Variants in NUDT17 observed in about 807,000 individuals in gnomAD.
NUDT17 encodes nudix hydrolase 17.
NUDT17 carries 38 observed loss-of-function variants against 38.6 expected under a neutral mutation model. That is an observed-to-expected ratio of 0.98 (90% confidence interval 0.76 to 1.29). The LOEUF (loss-of-function observed/expected upper bound fraction) is 1.29. NUDT17 is among the 50% of genes most tolerant of loss of function. The probability of loss-of-function intolerance (pLI) is 0.00; values close to 1 mark genes in which losing one functional copy is unlikely to be tolerated. For synonymous variants in NUDT17, 192 were observed against 167.8 expected (o/e 1.14, Z -1.11); for missense variants, 462 against 415.2 (o/e 1.11, Z -0.98).
At position 145,847,660 on chromosome 1, in the gene NUDT17, C is replaced by T. The variant is rs143179450; in HGVS notation, c.672C>T (p.Ala224=). The change falls in exon 6 of 8, where the codon GCC becomes GCT. Residue 224 remains alanine, a synonymous_variant. Coordinates refer to ENST00000334513, the MANE Select transcript of NUDT17 (RefSeq NM_001012758.3). ...LTPDVAAAVA[A]AEDGTETPGL... Reference sequence around the variant, plus strand: ...CAGATGTAGCTGCTGCAGTGGCTGCCGCAGAGGATGGGACAGAGACACCCG... The same window carrying T: ...CAGATGTAGCTGCTGCAGTGGCTGCTGCAGAGGATGGGACAGAGACACCCG... 79 of 1,613,866 alleles carry T rather than the reference C, an allele frequency of 4.9e-5. No individual in the cohort carries two copies. The highest frequency in any genetic ancestry group is 2.5e-4 in the African/African-American group (19 of 75,000).
At chr1:145,847,210 G>A (rs1652739480) in intron 4 of NUDT17, 40 bp from the exon 5 acceptor site, 1 of 1,062,056 alleles carries the variant, frequency 9.4e-7, no homozygotes, top group East Asian at 2.6e-5. Context: ...AAAAAAAAAA[G>A]TGACGGAAAG....
At chr1:145,847,437 C>CG (rs1482746067) in intron 5 of NUDT17, 89 bp downstream of exon 5, 9 of 580,256 alleles carry the variant, frequency 1.6e-5, no homozygotes, top group East Asian at 4.9e-5. Context: ...GCGGGGGTGG[C>CG]GGGGGTAGTC....
At chr1:145,845,928 G>T in intron 1 of NUDT17, 85 bp from the exon 2 acceptor site, 1 of 1,525,600 alleles carries the variant, frequency 6.6e-7, no homozygotes, top group Non-Finnish European at 8.9e-7. Flanking sequence ...CGCCCCCAAC[G>T]CGCGGTGTAG....
chr1:145,845,895 G>A (rs1553732221), intron 1 of NUDT17, 63 bp downstream of exon 1: 1 of 1,535,218 alleles, frequency 6.5e-7, no homozygotes. Context: ...CTGAAATCGG[G>A]TGGGAACTGG....
chr1:145,848,340 G>C (rs1553733237), intron 7 of NUDT17, 37 bp from the exon 8 acceptor site: 2 of 1,612,378 alleles, frequency 1.2e-6, no homozygotes, highest in African/African-American at 2.7e-5. Flanking sequence ...ACGGGGGAAA[G>C]CAGGAAAGGA....
chr1:145,848,702 T>A lies in NUDT17; in HGVS notation c.*223T>A, dbSNP rs1652832096. The A allele has an allele frequency of 7.8e-6, 4 of 515,944 alleles. No individual in the cohort carries two copies. In the East Asian group the frequency reaches 1.3e-4, roughly 17 times the overall value. 32.0% of individuals were successfully genotyped at this position (515,944 alleles called of 1,614,324 possible). A position where few individuals can be genotyped will look rare whatever the true frequency, so the allele number is the denominator to read the frequency against. The stretch of plus-strand genomic sequence containing the variant: ...TGAGCCAGGCCTAACTACAGGGCCA[T>A]GAGCCTCTAGAAGCTTAGGGGGGAA... On this transcript the variant is annotated 3_prime_UTR_variant, in exon 8 of 8. Transcript: ENST00000334513.
chr1:145,845,709 G>A lies in NUDT17; in HGVS notation c.69G>A (p.Val23=), dbSNP rs1553732061. The change falls in exon 1 of 8, where the codon GTG becomes GTA. Residue 23 remains valine, a synonymous_variant. Coordinates refer to ENST00000334513, the MANE Select transcript of NUDT17 (RefSeq NM_001012758.3). ...AGTCGGTGAGCTTCGCACGGAGTGT[G>A]TGTGGCCTCCTGGGAGCCGGACCAG... The part of the protein sequence containing the change: ...RPESVSFARS[V]CGLLGAGPGL... 1 of 1,553,462 alleles carries A rather than the reference G, an allele frequency of 6.4e-7. No individual in the cohort carries two copies. Among genetic ancestry groups the A allele is most frequent in the East Asian group, 2.4e-5 (1 of 41,294 alleles).
chr1:145,847,867 A>C (rs1652783653), intron 6 of NUDT17, 148 bp downstream of exon 6: 2 of 873,766 alleles, frequency 2.3e-6, no homozygotes, highest in Admixed American at 4.9e-5. Flanking sequence ...AGGTACATGA[A>C]ATCTAAGACA....
Position 145,847,674 on chromosome 1 carries a change from C to T in NUDT17, c.686C>T (p.Thr229Ile). ...GCAGTGGCTGCCGCAGAGGATGGGA[C>T]AGAGACACCCGGACTTCTCCCCCAG... ...AAAVAAAEDG[T>I]ETPGLLPQDL... Residue 229 changes from threonine to isoleucine, a missense_variant, in exon 6 of 8, where the codon ACA becomes ATA. Physicochemically the swap from Thr to Ile is moderately conservative, Grantham distance 89 (BLOSUM62 -1). Coordinates refer to ENST00000334513, the MANE Select transcript of NUDT17 (RefSeq NM_001012758.3). 1.9e-6 allele frequency: 3 copies of T among 1,614,080 alleles called. No homozygotes were observed. The highest frequency in any genetic ancestry group is 2.5e-6 in the Non-Finnish European group (3 of 1,180,012).
intron 4 of NUDT17, 117 bp from the exon 5 acceptor site, chr1:145,847,133 G>A: frequency 3.2e-6 from 2 of 622,098 alleles, no homozygotes; most frequent in Non-Finnish European, 5.7e-6. Flanking sequence ...GGCAGAGGTT[G>A]CAGTGAGCCA....
rs914172355 is a variant in NUDT17, at chr1:145,845,633, G to T, written c.-8G>T. 3 of 1,504,780 alleles carry T rather than the reference G, an allele frequency of 2.0e-6. No individual in the cohort carries two copies. Among genetic ancestry groups the T allele is most frequent in the African/African-American group, 2.8e-5 (2 of 72,004 alleles). 93.2% of individuals were successfully genotyped at this position (1,504,780 alleles called of 1,614,324 possible). On this transcript the variant is annotated 5_prime_UTR_variant, in exon 1 of 8. Transcript: ENST00000334513. ...CCAGGCGGGCCGCAGCGACTCCAGA[G>T]TCGCGTTATGGCCGAGGTGCGGGTG...
rs782673115 is a variant in NUDT17, at chr1:145,846,389, C to T, written c.377-44C>T. 1 of 1,612,978 alleles carries T rather than the reference C, an allele frequency of 6.2e-7. No homozygotes were observed. On this transcript the variant is annotated intron_variant, in intron 2 of 7. Coordinates refer to ENST00000334513, the MANE Select transcript of NUDT17 (RefSeq NM_001012758.3). ...TCAACAGTGAGTGGGGGCTCCCTGGCCAAGACCACCACCATTCACCTACTG... is the reference window on the plus strand; with the variant it reads ...TCAACAGTGAGTGGGGGCTCCCTGGTCAAGACCACCACCATTCACCTACTG...
chr1:145,845,832 G>T lies in NUDT17; in HGVS notation c.192G>T (p.Gln64His), dbSNP rs1553732181. ...FPGASARLPL[Q>H]RPPFCPFAAL... ...GCGCCTCCGCTAGGCTTCCGCTCCA[G>T]GTCGGCAGAAGGGGGCCCCAGAGCG... The change falls in exon 1 of 8, where the codon CAG becomes CAT. Residue 64 changes from glutamine (Q) to histidine (H), a missense_variant and splice_region_variant. By Grantham distance (24) the Gln-to-His change is conservative. Coordinates refer to ENST00000334513, the MANE Select transcript of NUDT17 (RefSeq NM_001012758.3). 1 of 1,591,206 alleles carries T rather than the reference G, an allele frequency of 6.3e-7. No homozygotes were observed. Among genetic ancestry groups the T allele is most frequent in the South Asian group, 1.1e-5 (1 of 87,652 alleles).
chr1:145,846,509 A>G, intron 3 of NUDT17, 51 bp downstream of exon 3: 7 of 1,606,642 alleles, frequency 4.4e-6, no homozygotes, highest in Non-Finnish European at 5.1e-6. Context: ...GCCTGGGACC[A>G]TCTTGGGTGT....
Position 145,845,655 on chromosome 1 carries a change from G to C in NUDT17, c.15G>C (p.Arg5=). The C allele has an allele frequency of 1.3e-6, 2 of 1,523,020 alleles. No individual in the cohort carries two copies. Among genetic ancestry groups the C allele is most frequent in the Non-Finnish European group, 1.8e-6 (2 of 1,127,314 alleles). 94.3% of individuals were successfully genotyped at this position (1,523,020 alleles called of 1,614,324 possible). A position where few individuals can be genotyped will look rare whatever the true frequency, so the allele number is the denominator to read the frequency against. The change falls in exon 1 of 8, where the codon CGG becomes CGC. Residue 5 remains arginine, a synonymous_variant. Coordinates refer to ENST00000334513, the MANE Select transcript of NUDT17 (RefSeq NM_001012758.3). MAEV[R]VQLLLSRRPE... ...AGAGTCGCGTTATGGCCGAGGTGCG[G>C]GTGCAGCTGCTCCTGTCCCGGCGTC...
chr1:145,845,655 G>T lies in NUDT17; in HGVS notation c.15G>T (p.Arg5=). 2 of 1,523,018 alleles carry T rather than the reference G, an allele frequency of 1.3e-6. No homozygotes were observed. The highest frequency in any genetic ancestry group is 2.0e-5 in the Admixed American group (1 of 49,550). 94.3% of individuals were successfully genotyped at this position (1,523,018 alleles called of 1,614,324 possible). ...AGAGTCGCGTTATGGCCGAGGTGCG[G>T]GTGCAGCTGCTCCTGTCCCGGCGTC... MAEV[R]VQLLLSRRPE... The change falls in exon 1 of 8, where the codon CGG becomes CGT. Residue 5 remains arginine, a synonymous_variant. Transcript: ENST00000334513.
Position 145,845,930 on chromosome 1 carries a change from G to A in NUDT17, c.193-83G>A, listed in dbSNP as rs587719900. ...GCGGCGAGGACCCCGCCCCCAACGC[G>A]CGGTGTAGCCCCATTTTTGGAAGTC... On this transcript the variant is annotated intron_variant, in intron 1 of 7. Transcript: ENST00000334513. 15 of 1,527,414 alleles carry A rather than the reference G, an allele frequency of 9.8e-6. No individual in the cohort carries two copies. The African/African-American group carries it at 2.0e-4, about 21-fold the overall frequency. The allele number at this position is 1,527,414 out of a possible 1,614,324, so 94.6% of individuals were successfully genotyped here.
At position 145,846,251 on chromosome 1, in the gene NUDT17, C is replaced by T. The variant is rs781810302; in HGVS notation, c.376+55C>T. 5.2e-5 allele frequency: 80 copies of T among 1,526,882 alleles called. 1 individual carries two copies. The highest frequency in any genetic ancestry group is 6.9e-5 in the Non-Finnish European group (77 of 1,122,088). 94.6% of individuals were successfully genotyped at this position (1,526,882 alleles called of 1,614,324 possible). A position where few individuals can be genotyped will look rare whatever the true frequency, so the allele number is the denominator to read the frequency against. ...ACAGAGAAGAAATTTGCCCTTTCCCCGCAACAATGTTTTTCCCAGTCTCAG... is the reference window on the plus strand; with the variant it reads ...ACAGAGAAGAAATTTGCCCTTTCCCTGCAACAATGTTTTTCCCAGTCTCAG... On this transcript the variant is annotated intron_variant, in intron 2 of 7. Coordinates refer to ENST00000334513, the MANE Select transcript of NUDT17 (RefSeq NM_001012758.3).
rs151055351 is a variant in NUDT17, at chr1:145,847,318, G to T, written c.564G>T (p.Val188=). The T allele has an allele frequency of 6.2e-7, 1 of 1,609,708 alleles. No homozygotes were observed. Among genetic ancestry groups the T allele is most frequent in the South Asian group, 1.1e-5 (1 of 90,314 alleles). ...ATCACATTGTTCTGTATCTACTCGT[G>T]ATCTCCCAGGAATCACAGCAGCAGT... ...KYHHIVLYLL[V]ISQESQQQLQ... is the part of the protein sequence containing the mutation. Residue 188 remains valine, a synonymous_variant, in exon 5 of 8, where the codon GTG becomes GTT. Transcript: ENST00000334513.
Sources: allele counts gnomAD v4.1 joint callset, GRCh38; gene constraint gnomAD v4.1.1; transcripts MANE v1.5; gene names NCBI Gene and HGNC (gene_info 2026-07-23, HGNC 2026-07-21).